Variants in KCNH4 observed in about 807,000 individuals in gnomAD.
The protein encoded by KCNH4 is voltage-gated delayed rectifier potassium channel KCNH4.
KCNH4 carries 33 observed loss-of-function variants against 90.7 expected under a neutral mutation model. The observed-to-expected ratio is 0.36, with a 90% CI of 0.28 to 0.49. KCNH4 has a LOEUF of 0.49. Ranked by LOEUF, KCNH4 falls within the 20% of genes least tolerant of loss-of-function variation. The probability of loss-of-function intolerance (pLI) is 0.98; values close to 1 mark genes in which losing one functional copy is unlikely to be tolerated. For synonymous variants in KCNH4, 551 were observed against 581.7 expected (o/e 0.95, Z 0.76); for missense variants, 1,044 against 1,387.1 (o/e 0.75, Z 3.93).
chr17:42,165,541 C>T lies in KCNH4; in HGVS notation c.1993G>A (p.Val665Ile). The T allele has an allele frequency of 6.2e-7, 1 of 1,614,204 alleles. No individual in the cohort carries two copies. The highest frequency in any genetic ancestry group is 8.5e-7 in the Non-Finnish European group (1 of 1,180,034). Residue 665 changes from valine to isoleucine, a missense_variant, in exon 11 of 17, where the codon GTC (valine) becomes ATC (isoleucine). Physicochemically the swap from Val to Ile is conservative, Grantham distance 29. Coordinates refer to ENST00000264661, the MANE Select transcript of KCNH4 (RefSeq NM_012285.3). ...QQLSSRGLAE[V>I]LRLYPEYGAA... Reference sequence around the variant, plus strand: ...CCATACTCAGGATAGAGCCTCAGGACCTCAGCCAGCCCTCGGCTGCTCAGC... The same window carrying T: ...CCATACTCAGGATAGAGCCTCAGGATCTCAGCCAGCCCTCGGCTGCTCAGC...
Position 42,174,620 on chromosome 17 carries a change from G to A in KCNH4, c.987+959C>T, listed in dbSNP as rs372157732. Among the ~76,000 whole-genome samples, 9 of 152,270 alleles carry A rather than the reference G, an allele frequency of 5.9e-5. No homozygotes were observed. In the East Asian group the frequency reaches 1.5e-3, roughly 26 times the overall value. ...GTGTAGGTGGTTTCCTGCTATAGCT[G>A]AGTGCAGGGAGAGAGCACACAAGGA... On this transcript the variant is annotated intron_variant, in intron 6 of 16. Transcript: ENST00000264661.
rs2079713997 is a variant in KCNH4, at chr17:42,156,940, G to A, written c.*488C>T. 1 of 152,400 alleles carries A rather than the reference G, an allele frequency of 6.6e-6. No individual in the cohort carries two copies. Among genetic ancestry groups the A allele is most frequent in the Non-Finnish European group, 1.5e-5 (1 of 68,090 alleles). The allele number at this position is 152,400 out of a possible 1,614,324, so 9.4% of individuals were successfully genotyped here. On this transcript the variant is annotated 3_prime_UTR_variant, in exon 17 of 17. Transcript: ENST00000264661. ...TATCCAAAAGTGAGCCCAGGGTGTT[G>A]GGTGGTAGAGGAGAGCTGGAGACCT...
chr17:42,177,709 G>A (rs879536630), intron 4 of KCNH4, among the ~76,000 whole-genome samples: 15 of 152,250 alleles, frequency 9.9e-5, no homozygotes, highest in South Asian at 2.1e-4. Context: ...GGCTTGGTCA[G>A]GATCCTAGGA....
intron 9 of KCNH4, among the ~76,000 whole-genome samples, chr17:42,168,493 A>C (rs1034018313): frequency 3.3e-5 from 5 of 152,236 alleles, no homozygotes; most frequent in African/African-American, 1.2e-4. Flanking sequence ...AGAATACAAA[A>C]ATCAGCCGAG....
At chr17:42,168,180 T>C (rs1199662394) in intron 9 of KCNH4, among the ~76,000 whole-genome samples, 1 of 152,154 alleles carries the variant, frequency 6.6e-6, no homozygotes, top group Admixed American at 6.5e-5. Context: ...TCTTTCTGCC[T>C]CCCTCAATAC....
chr17:42,162,744 C>A (rs1338497018), intron 14 of KCNH4, among the ~76,000 whole-genome samples: 1 of 152,004 alleles, frequency 6.6e-6, no homozygotes, highest in Non-Finnish European at 1.5e-5. Context: ...AGGTGTGCAC[C>A]ACCACGCCTG....
At chr17:42,168,441 C>G (rs578001773) in intron 9 of KCNH4, among the ~76,000 whole-genome samples, 6 of 152,212 alleles carry the variant, frequency 3.9e-5, no homozygotes, top group African/African-American at 1.2e-4. Flanking sequence ...GTCAAGAGTT[C>G]GAGACAAGCC....
rs2079854919 is a variant in KCNH4, at chr17:42,175,566, G to A, written c.987+13C>T. 6.2e-7 allele frequency: 1 copy of A among 1,614,020 alleles called. No homozygotes were observed. Among genetic ancestry groups the A allele is most frequent in the African/African-American group, 1.3e-5 (1 of 74,934 alleles). On this transcript the variant is annotated intron_variant, in intron 6 of 16. Transcript: ENST00000264661. ...GGGAGGTTGGACTGGATGGCGGGAT[G>A]GAGGTCACTCACCACGGTGATGTTG...
chr17:42,164,430 G>C (rs1598269348), intron 11 of KCNH4, among the ~76,000 whole-genome samples: 3 of 152,352 alleles, frequency 2.0e-5, no homozygotes, highest in Admixed American at 2.0e-4. Context: ...CATTTGGTGA[G>C]AGAAGAGGAA....
chr17:42,170,345 T>A, intron 7 of KCNH4, 44 bp from the exon 8 acceptor site: 1 of 1,520,766 alleles, frequency 6.6e-7, no homozygotes, highest in Non-Finnish European at 8.8e-7. Flanking sequence ...GTGCCAGCGG[T>A]GGAGAACCAG....
intron 16 of KCNH4, among the ~76,000 whole-genome samples, chr17:42,158,944 A>G (rs1051001434): frequency 6.6e-6 from 1 of 152,072 alleles, no homozygotes; most frequent in Non-Finnish European, 1.5e-5. Flanking sequence ...TCGGCCTCCC[A>G]AAGGGCTGGG....
chr17:42,179,104 T>C (rs898570357), intron 1 of KCNH4, 78 bp from the exon 2 acceptor site: 63 of 1,062,034 alleles, frequency 5.9e-5, no homozygotes, highest in Non-Finnish European at 7.5e-5. Context: ...TTCCTCTAAG[T>C]TGGGGTTAGA....
intron 9 of KCNH4, among the ~76,000 whole-genome samples, chr17:42,168,402 T>C (rs890273359): frequency 6.6e-6 from 1 of 152,044 alleles, no homozygotes; most frequent in African/African-American, 2.4e-5. Context: ...TCCCAGCAAA[T>C]TGGGAGGCTG....
rs761717664 is a variant in KCNH4, at chr17:42,163,339, G to A, written c.2478-5C>T. The A allele has an allele frequency of 5.0e-6, 8 of 1,600,746 alleles. No individual in the cohort carries two copies. In the African/African-American group the frequency reaches 1.1e-4, roughly 21 times the overall value. On this transcript the variant is annotated splice_polypyrimidine_tract_variant and splice_region_variant and intron_variant, in intron 13 of 16. Transcript: ENST00000264661. This position sits in a 1 kb window ranked among gnomAD's most constrained non-coding sequence, Gnocchi z 5.4. ...TCCTCAATGCCATCCACTATCCTGGGAACAGGGCAGTGCTCATCAGCACCA... is the reference window on the plus strand; with the variant it reads ...TCCTCAATGCCATCCACTATCCTGGAAACAGGGCAGTGCTCATCAGCACCA...
chr17:42,163,577 T>G lies in KCNH4; in HGVS notation c.2477+29A>C. 1 of 1,072,730 alleles carries G rather than the reference T, an allele frequency of 9.3e-7. No homozygotes were observed. Among genetic ancestry groups the G allele is most frequent in the Non-Finnish European group, 1.4e-6 (1 of 733,634 alleles). The allele number at this position is 1,072,730 out of a possible 1,614,324, so 66.5% of individuals were successfully genotyped here. ...AGGTTCTGGAAGCCAATAGGGGTTT[T>G]GGGAAAGCAGGGGAGGCTGGCGTCT... On this transcript the variant is annotated intron_variant, in intron 13 of 16. Coordinates refer to ENST00000264661, the MANE Select transcript of KCNH4 (RefSeq NM_012285.3). The surrounding 1 kb of genome is among the most constrained non-coding windows in gnomAD (Gnocchi z 5.4).
intron 10 of KCNH4, 43 bp from the exon 11 acceptor site, chr17:42,165,736 C>G (rs770586765): frequency 6.2e-7 from 1 of 1,610,186 alleles, no homozygotes; most frequent in East Asian, 2.2e-5. Context: ...GCAGTGAGAA[C>G]GAAAGGATAT....
chr17:42,165,955 C>T (rs566459266), intron 10 of KCNH4, among the ~76,000 whole-genome samples: 8 of 151,970 alleles, frequency 5.3e-5, no homozygotes, highest in Non-Finnish European at 7.4e-5. Context: ...TCACAATGGC[C>T]GGAGGGGTCA....
Position 42,166,154 on chromosome 17 carries a change from AC to A in KCNH4, c.1840+142del, listed in dbSNP as rs567820434. The A allele has an allele frequency of 4.5e-4, 469 of 1,030,832 alleles. No individual in the cohort carries two copies. In the Middle Eastern group the frequency reaches 4.9e-3, roughly 11 times the overall value. 63.9% of individuals were successfully genotyped at this position (1,030,832 alleles called of 1,614,324 possible). On this transcript the variant is annotated intron_variant, in intron 10 of 16. Coordinates refer to ENST00000264661, the MANE Select transcript of KCNH4 (RefSeq NM_012285.3). ...AAGGCGATGGTCGTAGGGCGGAGGGACCGAGAGAGTACTCCTCAGCAGGAAC... is the reference window on the plus strand; with the variant it reads ...AAGGCGATGGTCGTAGGGCGGAGGGACGAGAGAGTACTCCTCAGCAGGAAC...
intron 9 of KCNH4, 39 bp from the exon 10 acceptor site, chr17:42,166,585 C>A (rs1474675446): frequency 7.0e-6 from 11 of 1,581,420 alleles, no homozygotes; most frequent in Non-Finnish European, 9.5e-6. Flanking sequence ...CATCCCCCTG[C>A]AGCTACTACT....
Sources: allele counts gnomAD v4.1 joint callset (sites outside exome capture counted in the v4.1 genomes callset), GRCh38; gene constraint gnomAD v4.1.1; non-coding constraint Gnocchi (gnomAD v3.1); transcripts MANE v1.5; gene names NCBI Gene and HGNC (gene_info 2026-07-23, HGNC 2026-07-21).